The following TSGA10 variants were observed in gnomAD, a reference collection of about 807,000 sequenced individuals.
TSGA10 encodes testis-specific gene 10 protein.
TSGA10 carries 43 observed loss-of-function variants against 96.6 expected under a neutral mutation model. That is an observed-to-expected ratio of 0.44 (90% CI 0.35 to 0.57). The LOEUF (loss-of-function observed/expected upper bound fraction) is 0.57, where lower values mean the gene tolerates loss of function less well. Ranked by LOEUF, TSGA10 falls within the 20% of genes least tolerant of loss-of-function variation. The pLI, the probability that TSGA10 is intolerant of heterozygous loss-of-function variation, is 0.01. For synonymous variants in TSGA10, 229 were observed against 269.9 expected (o/e 0.85, Z 1.48); for missense variants, 703 against 834.4 (o/e 0.84, Z 1.94).
intron 17 of TSGA10, among the ~76,000 whole-genome samples, chr2:99,027,605 G>T (rs7605734): frequency 6.6e-6 from 1 of 151,888 alleles, no homozygotes; most frequent in South Asian, 2.1e-4. Context: ...AAACCTGTCT[G>T]CCATACATAC....
At chr2:99,063,311 G>A (rs181330867) in intron 16 of TSGA10, among the ~76,000 whole-genome samples, 2 of 152,196 alleles carry the variant, frequency 1.3e-5, no homozygotes, top group African/African-American at 4.8e-5. Flanking sequence ...CTGGCCTTGG[G>A]ATTGTATAGG....
chr2:98,998,537 A>G (rs1194533733), intron 20 of TSGA10, among the ~76,000 whole-genome samples: 3 of 152,204 alleles, frequency 2.0e-5, no homozygotes, highest in Non-Finnish European at 4.4e-5. Context: ...AATTATAGAG[A>G]TGGCGAAGAA....
At chr2:99,069,785 C>T (rs183829216) in intron 14 of TSGA10, among the ~76,000 whole-genome samples, 213 of 152,088 alleles carry the variant, frequency 1.4e-3, no homozygotes, top group Middle Eastern at 3.4e-3. Context: ...TTAAGTGAAT[C>T]ATGCAGTAAA....
chr2:99,141,677 C>G (rs2093562072), intron 1 of TSGA10: 1 of 152,820 alleles, frequency 6.5e-6, no homozygotes, highest in Non-Finnish European at 1.5e-5. Context: ...GGCTGCCGCA[C>G]CTGGATGGAA....
chr2:99,022,338 A>C (rs866639369), intron 17 of TSGA10, among the ~76,000 whole-genome samples: 2,312 of 150,398 alleles, frequency 0.015, 26 homozygotes, highest in Middle Eastern at 0.02. Context: ...AAAAAAAAAA[A>C]AAAAAAAAAA....
At chr2:99,089,514 T>G (rs2089011667) in intron 10 of TSGA10, among the ~76,000 whole-genome samples, 1 of 152,104 alleles carries the variant, frequency 6.6e-6, no homozygotes, top group Non-Finnish European at 1.5e-5. Context: ...CTGGGGCAAG[T>G]TCTCAGCCCT....
intron 20 of TSGA10, among the ~76,000 whole-genome samples, chr2:99,010,957 T>G (rs1486132205): frequency 6.6e-6 from 1 of 152,178 alleles, no homozygotes; most frequent in African/African-American, 2.4e-5. Context: ...TCCCCACTTC[T>G]CTGGCAAACT....
chr2:99,032,306 CA>C (rs1479174974), intron 17 of TSGA10, among the ~76,000 whole-genome samples: 1 of 152,082 alleles, frequency 6.6e-6, no homozygotes, highest in Non-Finnish European at 1.5e-5. Context: ...TTGAAAAGGG[CA>C]AAAGACCCAA....
At position 98,998,048 on chromosome 2, in the gene TSGA10, C is replaced by T. The variant is rs1468213468; in HGVS notation, c.*149G>A. On this transcript the variant is annotated 3_prime_UTR_variant, in exon 21 of 21. Coordinates refer to ENST00000393483, the MANE Select transcript of TSGA10 (RefSeq NM_025244.4). ...CATCTCAGATCACTGCAACATGGCA[C>T]ATTAGAACAGAGATTCAGAGACACA... 8.3e-6 allele frequency: 6 copies of T among 720,098 alleles called. No homozygotes were observed. The highest frequency in any genetic ancestry group is 1.4e-5 in the Non-Finnish European group (6 of 438,282). The allele number at this position is 720,098 out of a possible 1,614,324, so 44.6% of individuals were successfully genotyped here.
intron 10 of TSGA10, among the ~76,000 whole-genome samples, chr2:99,098,771 T>C (rs1046666706): frequency 2.6e-5 from 4 of 152,110 alleles, no homozygotes; most frequent in Admixed American, 6.5e-5. Flanking sequence ...CTTTTAAATT[T>C]AGACAAAATG....
intron 10 of TSGA10, among the ~76,000 whole-genome samples, chr2:99,089,965 G>T (rs1315037978): frequency 2.0e-5 from 3 of 152,136 alleles, no homozygotes; most frequent in Admixed American, 6.5e-5. Flanking sequence ...CAAAACCAGT[G>T]CAATAAACAA....
At chr2:99,139,394 A>G (rs1368726695) in intron 1 of TSGA10, among the ~76,000 whole-genome samples, 3 of 152,240 alleles carry the variant, frequency 2.0e-5, no homozygotes, top group Non-Finnish European at 2.9e-5. Context: ...GAAGCACATA[A>G]TATGTATTCA....
chr2:99,067,725 C>T (rs764422588), intron 15 of TSGA10, among the ~76,000 whole-genome samples: 28 of 151,900 alleles, frequency 1.8e-4, no homozygotes, highest in Admixed American at 5.9e-4. Flanking sequence ...TGGTTGCATG[C>T]ACCTGTAACC....
intron 16 of TSGA10, among the ~76,000 whole-genome samples, chr2:99,063,914 C>A (rs1358567112): frequency 6.6e-6 from 1 of 151,968 alleles, no homozygotes; most frequent in Non-Finnish European, 1.5e-5. Context: ...GAGGAAGAAT[C>A]CTAAATGGCA....
Position 99,045,791 on chromosome 2 carries a change from A to T in TSGA10, c.1405-10352T>A, listed in dbSNP as rs559406068. 7.9e-5 allele frequency among the ~76,000 whole-genome samples: 12 copies of T among 152,322 alleles called. No individual in the cohort carries two copies. The East Asian group carries it at 1.9e-3, about 24-fold the overall frequency. ...CCAATTAAAAGACACAGACTGGCAA[A>T]TTTGATAGAGTCAAGACCCATCAGT... On this transcript the variant is annotated intron_variant, in intron 16 of 20. Coordinates refer to ENST00000393483, the MANE Select transcript of TSGA10 (RefSeq NM_025244.4).
At chr2:99,086,943 G>A (rs937902502) in intron 10 of TSGA10, among the ~76,000 whole-genome samples, 17 of 151,888 alleles carry the variant, frequency 1.1e-4, no homozygotes, top group African/African-American at 3.6e-4. Context: ...AGTGTCTCAT[G>A]CCTGTAATCC....
chr2:99,057,611 G>A (rs973689968), intron 16 of TSGA10, among the ~76,000 whole-genome samples: 1 of 151,956 alleles, frequency 6.6e-6, no homozygotes, highest in African/African-American at 2.4e-5. Flanking sequence ...TCTAATAAAC[G>A]AAACTACACC....
At chr2:99,075,553 A>T (rs948513869) in intron 12 of TSGA10, among the ~76,000 whole-genome samples, 2 of 152,204 alleles carry the variant, frequency 1.3e-5, no homozygotes, top group African/African-American at 2.4e-5. Context: ...TGTAATCTCT[A>T]TATGAACAGT....
At chr2:99,150,948 C>T (rs1262506051) in intron 1 of TSGA10, 2 of 664,632 alleles carry the variant, frequency 3.0e-6, no homozygotes, top group East Asian at 2.7e-5. Flanking sequence ...AGACTATTGC[C>T]TTATTTTGCA....
Sources: gnomAD v4.1 joint callset for allele counts (sites outside exome capture counted in the v4.1 genomes callset) on GRCh38, gnomAD v4.1.1 for gene constraint, MANE v1.5 for transcripts, NCBI Gene and HGNC (gene_info 2026-07-23, HGNC 2026-07-21) for gene names.